The following FOXJ3 variants were observed in gnomAD, a reference collection of about 807,000 sequenced individuals.
The protein encoded by FOXJ3 is forkhead box J3, also known as forkhead box protein J3.
A neutral mutation model predicts 76.1 loss-of-function variants in FOXJ3; 22 were observed. That is an observed-to-expected ratio of 0.29 (90% CI 0.21 to 0.41). The LOEUF is 0.41. Ranked by LOEUF, FOXJ3 falls within the 10% of genes least tolerant of loss-of-function variation. The pLI, the probability that FOXJ3 is intolerant of heterozygous loss-of-function variation, is 1.00. For synonymous variants in FOXJ3, 269 were observed against 261.2 expected (o/e 1.03, Z -0.29); for missense variants, 613 against 762.1 (o/e 0.80, Z 2.30).
intron 4 of FOXJ3, 153 bp downstream of exon 4, chr1:42,264,962 C>G: frequency 1.5e-6 from 1 of 672,528 alleles, no homozygotes; most frequent in Non-Finnish European, 2.7e-6. Context: ...TAGGTTCCCA[C>G]AGCTTAAAAC....
chr1:42,322,546 T>A (rs929245651), intron 1 of FOXJ3, among the ~76,000 whole-genome samples: 3 of 152,126 alleles, frequency 2.0e-5, no homozygotes, highest in African/African-American at 7.2e-5. Flanking sequence ...TATATATTTC[T>A]AAGTATACTC....
chr1:42,245,692 C>T (rs1052749584), intron 4 of FOXJ3, among the ~76,000 whole-genome samples: 10 of 143,752 alleles, frequency 7.0e-5, no homozygotes, highest in African/African-American at 2.6e-4. Context: ...CCATTTATGA[C>T]AAACCCACAG....
intron 5 of FOXJ3, among the ~76,000 whole-genome samples, chr1:42,225,477 TTA>T (rs2124444392): frequency 6.6e-6 from 1 of 152,320 alleles, no homozygotes; most frequent in African/African-American, 2.4e-5. Flanking sequence ...GGGCAGGAAA[TTA>T]TGTTCCATAA....
chr1:42,279,343 C>T (rs186751021), intron 2 of FOXJ3, among the ~76,000 whole-genome samples: 1 of 152,086 alleles, frequency 6.6e-6, no homozygotes, highest in Admixed American at 6.5e-5. Flanking sequence ...TTAGGCAGTA[C>T]CAGGGAGTTA....
At chr1:42,334,050 A>G (rs1281920387) in intron 1 of FOXJ3, 2 of 469,842 alleles carry the variant, frequency 4.3e-6, no homozygotes, top group African/African-American at 4.2e-5. Context: ...GGGACAACAC[A>G]GACGTGGAAT....
intron 4 of FOXJ3, among the ~76,000 whole-genome samples, chr1:42,262,200 G>A (rs1187149146): frequency 1.3e-5 from 2 of 152,186 alleles, no homozygotes; most frequent in Non-Finnish European, 2.9e-5. Context: ...CATTCCTGGT[G>A]ATATAATTTA....
At chr1:42,322,818 G>A (rs911778406) in intron 1 of FOXJ3, among the ~76,000 whole-genome samples, 1 of 152,072 alleles carries the variant, frequency 6.6e-6, no homozygotes, top group African/African-American at 2.4e-5. Context: ...CTGCTAAAAA[G>A]AAACAAAATG....
intron 5 of FOXJ3, among the ~76,000 whole-genome samples, chr1:42,207,652 A>G (rs1390496512): frequency 6.6e-6 from 1 of 152,200 alleles, no homozygotes; most frequent in African/African-American, 2.4e-5. Context: ...AAAAGATCAT[A>G]CCAGATGAGC....
At chr1:42,232,089 G>A (rs1648194550) in intron 4 of FOXJ3, among the ~76,000 whole-genome samples, 1 of 152,140 alleles carries the variant, frequency 6.6e-6, no homozygotes, top group African/African-American at 2.4e-5. Context: ...GAGAATGATG[G>A]TTTCCAGCCT....
chr1:42,254,906 T>C (rs543680847), intron 4 of FOXJ3, among the ~76,000 whole-genome samples: 1 of 150,984 alleles, frequency 6.6e-6, no homozygotes, highest in South Asian at 2.1e-4. Flanking sequence ...ATGGCACATG[T>C]ACACATATGT....
Position 42,230,919 on chromosome 1 carries a change from A to G in FOXJ3, c.445-2953T>C, listed in dbSNP as rs148864100. Among the ~76,000 whole-genome samples, 471 of 152,304 alleles carry G rather than the reference A, an allele frequency of 3.1e-3. 4 individuals are homozygous for G. The highest frequency in any genetic ancestry group is 0.011 in the African/African-American group (437 of 41,564). ...ACCCATGTTCATAGTAATATTACTC[A>G]CAACAGCCAAAAGGTAAAGCAGTCC... On this transcript the variant is annotated intron_variant, in intron 4 of 12. Transcript: ENST00000361346.
chr1:42,208,341 G>A (rs1557638336), intron 5 of FOXJ3, among the ~76,000 whole-genome samples: 2 of 152,180 alleles, frequency 1.3e-5, no homozygotes, highest in Non-Finnish European at 2.9e-5. Context: ...CATTCACCAT[G>A]ATCAAGTGGG....
chr1:42,291,004 C>T (rs1426854585), intron 2 of FOXJ3, among the ~76,000 whole-genome samples: 7 of 150,908 alleles, frequency 4.6e-5, no homozygotes, highest in African/African-American at 7.3e-5. Flanking sequence ...ATCAACAGAA[C>T]AGAGTCCAAG....
chr1:42,212,964 AAAAAAAAC>A lies in FOXJ3; in HGVS notation c.529-7109_529-7102del, dbSNP rs1158850525. Among the ~76,000 whole-genome samples, 225 of 149,666 alleles carry A rather than the reference AAAAAAAAC, an allele frequency of 1.5e-3. 1 individual carries two copies. Among genetic ancestry groups the A allele is most frequent in the African/African-American group, 5.1e-3 (207 of 40,918 alleles). ...CAAGAATTTTGTATCTAGCAAAAAA[AAAAAAAAC>A]AAAAAAAAAACTAAGTTTCATAAGT... is the stretch of plus-strand genomic sequence containing the variant. On this transcript the variant is annotated intron_variant, in intron 5 of 12. Coordinates refer to ENST00000361346, the MANE Select transcript of FOXJ3 (RefSeq NM_014947.5).
intron 7 of FOXJ3, among the ~76,000 whole-genome samples, chr1:42,197,161 A>C (rs1646667139): frequency 6.6e-6 from 1 of 152,088 alleles, no homozygotes; most frequent in African/African-American, 2.4e-5. Context: ...ATTCCCTCAA[A>C]ACTCTGCATA....
At chr1:42,200,513 T>C (rs1195002176) in intron 6 of FOXJ3, among the ~76,000 whole-genome samples, 1 of 152,202 alleles carries the variant, frequency 6.6e-6, no homozygotes, top group Non-Finnish European at 1.5e-5. Context: ...GAGTCTCGCT[T>C]TGTCGCCTAG....
chr1:42,224,031 ATT>A (rs1463909151), intron 5 of FOXJ3, among the ~76,000 whole-genome samples: 1 of 152,242 alleles, frequency 6.6e-6, no homozygotes, highest in Non-Finnish European at 1.5e-5. Context: ...TTTAAAAAGC[ATT>A]TGACACATAA....
At chr1:42,326,101 A>G (rs1428214186) in intron 1 of FOXJ3, among the ~76,000 whole-genome samples, 5 of 152,112 alleles carry the variant, frequency 3.3e-5, no homozygotes, top group Non-Finnish European at 1.5e-5. Flanking sequence ...AAATACAAAA[A>G]TTAGCCAGGC....
At chr1:42,216,537 C>T (rs1373717431) in intron 5 of FOXJ3, among the ~76,000 whole-genome samples, 1 of 151,702 alleles carries the variant, frequency 6.6e-6, no homozygotes, top group Non-Finnish European at 1.5e-5. Flanking sequence ...AAAAAGACTA[C>T]TGTTTTCCTC....
Sources: gnomAD v4.1 joint callset for allele counts (sites outside exome capture counted in the v4.1 genomes callset) on GRCh38, gnomAD v4.1.1 for gene constraint, MANE v1.5 for transcripts, NCBI Gene and HGNC (gene_info 2026-07-23, HGNC 2026-07-21) for gene names.